The following NEDD9 variants were observed in gnomAD, a reference collection of about 807,000 sequenced individuals.
The protein encoded by NEDD9 is enhancer of filamentation 1.
NEDD9 carries 26 observed loss-of-function variants against 76.6 expected under a neutral mutation model. That is an observed-to-expected ratio of 0.34 (90% CI 0.25 to 0.47). The LOEUF is 0.47. NEDD9 is among the 20% of genes least tolerant of loss of function. The probability of loss-of-function intolerance (pLI) is 1.00; values close to 1 mark genes in which losing one functional copy is unlikely to be tolerated. For synonymous variants in NEDD9, 392 were observed against 414.2 expected, an observed-to-expected ratio of 0.95 and a Z score of 0.65; for missense variants, 937 against 1,058.5, an observed-to-expected ratio of 0.89 and a Z score of 1.59.
rs1758116397 is a variant in NEDD9 at position 11,190,702 on chromosome 6, C to T, written c.1167G>A (p.Glu389=). Residue 389 remains glutamate (E), a synonymous_variant, in exon 5 of 7, where the codon GAG becomes GAA. Transcript: ENST00000379446. The surrounding 1 kb of genome is among the most constrained non-coding windows in gnomAD (Gnocchi z 5.8). The stretch of plus-strand genomic sequence containing the variant: ...GAGCTGGGGAGGCTGACAGTGAGGA[C>T]TCCTTGGAGGAGGTGGAAGACGTGG... ...NMSTSSTSSK[E]SSLSASPAQD... The T allele has an allele frequency of 6.2e-7, 1 of 1,614,138 alleles. No individual in the cohort carries two copies. Among genetic ancestry groups the T allele is most frequent in the Non-Finnish European group, 8.5e-7 (1 of 1,180,032 alleles).
At chr6:11,331,313 A>G (rs1762032774) in intron 2 of NEDD9, among the ~76,000 whole-genome samples, 1 of 147,690 alleles carries the variant, frequency 6.8e-6, no homozygotes, top group African/African-American at 2.5e-5. Context: ...GGGCTGAGAG[A>G]ATAGATAGTT....
chr6:11,269,001 G>A (rs1760253206), intron 3 of NEDD9, among the ~76,000 whole-genome samples: 1 of 152,190 alleles, frequency 6.6e-6, no homozygotes, highest in South Asian at 2.1e-4. Context: ...TTACGTAAAA[G>A]TGCTATTTTC....
At chr6:11,297,539 G>C (rs1460120728) in intron 3 of NEDD9, among the ~76,000 whole-genome samples, 1 of 152,178 alleles carries the variant, frequency 6.6e-6, no homozygotes, top group African/African-American at 2.4e-5. Context: ...GTTCAGGTGA[G>C]TGACCAAGTC....
chr6:11,253,238 A>G (rs1359568443), intron 3 of NEDD9, among the ~76,000 whole-genome samples: 1 of 152,234 alleles, frequency 6.6e-6, no homozygotes, highest in Non-Finnish European at 1.5e-5. Flanking sequence ...GATAAAAAAG[A>G]GAAAGTATCA....
intron 3 of NEDD9, among the ~76,000 whole-genome samples, chr6:11,253,200 C>T (rs1013239442): frequency 1.3e-5 from 2 of 152,058 alleles, no homozygotes; most frequent in African/African-American, 4.8e-5. Context: ...CATGAATGTG[C>T]GCAGTCGTTG....
intron 1 of NEDD9, among the ~76,000 whole-genome samples, chr6:11,356,010 C>G (rs531085111): frequency 6.6e-6 from 1 of 152,176 alleles, no homozygotes; most frequent in Non-Finnish European, 1.5e-5. Context: ...CGTGAGCCAC[C>G]ATGCCCGGCC....
At chr6:11,214,992 G>A (rs1473585063) in intron 1 of NEDD9, among the ~76,000 whole-genome samples, 1 of 152,206 alleles carries the variant, frequency 6.6e-6, no homozygotes, top group Non-Finnish European at 1.5e-5. Context: ...TAGCAACGTG[G>A]ACTTGATCAT....
At chr6:11,188,188 C>T in intron 6 of NEDD9, 30 bp downstream of exon 6, 2 of 1,555,632 alleles carry the variant, frequency 1.3e-6, no homozygotes, top group Non-Finnish European at 8.9e-7. Flanking sequence ...CTTTCCAATG[C>T]CAAGCAGTTT....
chr6:11,362,764 A>G (rs1398891330), intron 1 of NEDD9, among the ~76,000 whole-genome samples: 1 of 152,262 alleles, frequency 6.6e-6, no homozygotes, highest in African/African-American at 2.4e-5. Context: ...GTGGAAGTGC[A>G]TTAGCATTTG....
intron 1 of NEDD9, among the ~76,000 whole-genome samples, chr6:11,354,785 T>A (rs1762534421): frequency 1.3e-5 from 2 of 152,028 alleles, no homozygotes; most frequent in African/African-American, 4.8e-5. Flanking sequence ...CTGCAACTGG[T>A]TTAGGGAAGG....
chr6:11,280,190 A>G (rs1017257848), intron 3 of NEDD9, among the ~76,000 whole-genome samples: 3 of 152,122 alleles, frequency 2.0e-5, no homozygotes, highest in African/African-American at 7.2e-5. Flanking sequence ...GGGGGATGCA[A>G]TTACCTCCAG....
intron 3 of NEDD9, among the ~76,000 whole-genome samples, chr6:11,286,983 A>G (rs1167987410): frequency 1.3e-5 from 2 of 152,210 alleles, no homozygotes; most frequent in Admixed American, 6.5e-5. Flanking sequence ...ACTCAGTACA[A>G]TCATCATTAA....
At chr6:11,373,082 T>C (rs1219083190) in intron 1 of NEDD9, among the ~76,000 whole-genome samples, 1 of 152,172 alleles carries the variant, frequency 6.6e-6, no homozygotes, top group Non-Finnish European at 1.5e-5. Flanking sequence ...CAGTTCTGTC[T>C]TCCCAAATCA....
At chr6:11,227,353 T>C (rs1207015903) in intron 1 of NEDD9, among the ~76,000 whole-genome samples, 1 of 152,232 alleles carries the variant, frequency 6.6e-6, no homozygotes, top group African/African-American at 2.4e-5. Context: ...CTGCTTACTA[T>C]ATGCCAAGAG....
intron 2 of NEDD9, among the ~76,000 whole-genome samples, chr6:11,320,798 T>C (rs1761779411): frequency 6.6e-6 from 1 of 152,190 alleles, no homozygotes; most frequent in Admixed American, 6.5e-5. Context: ...GCACTGTGTT[T>C]TACAGGCTGT....
At chr6:11,270,723 G>A (rs1760288365) in intron 3 of NEDD9, among the ~76,000 whole-genome samples, 2 of 152,192 alleles carry the variant, frequency 1.3e-5, no homozygotes, top group Admixed American at 1.3e-4. Flanking sequence ...ACTTAGAAGG[G>A]TCTGTTTCTT....
At chr6:11,372,843 G>A (rs1053510655) in intron 1 of NEDD9, among the ~76,000 whole-genome samples, 4 of 152,174 alleles carry the variant, frequency 2.6e-5, no homozygotes, top group African/African-American at 4.8e-5. Context: ...AATTAAGAAT[G>A]CAACCCTCCT....
chr6:11,370,929 G>C lies in NEDD9; in HGVS notation c.-214+11210C>G, dbSNP rs1321748573. Among the ~76,000 whole-genome samples, 1 of 152,138 alleles carries C rather than the reference G, an allele frequency of 6.6e-6. No homozygotes were observed. The highest frequency in any genetic ancestry group is 1.5e-5 in the Non-Finnish European group (1 of 68,014). On this transcript the variant is annotated intron_variant, in intron 1 of 3. Coordinates refer to the NEDD9 transcript ENST00000397378. The surrounding 1 kb of genome is among the most constrained non-coding windows in gnomAD (Gnocchi z 4.2). ...TGGCCATTTTGCATGGCATGTGAGG[G>C]AGGGCTGGCGGATTGGGTGACTTGT...
intron 3 of NEDD9, among the ~76,000 whole-genome samples, chr6:11,254,733 A>T (rs914981558): frequency 3.3e-4 from 50 of 152,310 alleles, no homozygotes; most frequent in African/African-American, 1.2e-3. Flanking sequence ...ACTGCTAATT[A>T]GAAAACTCTC....
Sources: allele counts gnomAD v4.1 joint callset (sites outside exome capture counted in the v4.1 genomes callset), GRCh38; gene constraint gnomAD v4.1.1; non-coding constraint Gnocchi (gnomAD v3.1); transcripts MANE v1.5; gene names NCBI Gene and HGNC (gene_info 2026-07-23, HGNC 2026-07-21).